Variants in IGSF10 observed in about 807,000 individuals in gnomAD.
IGSF10 encodes the protein immunoglobulin superfamily member 10, also known as calvaria mechanical force protein 608.
A neutral mutation model predicts 128.2 loss-of-function variants in IGSF10; 126 were observed. The ratio of observed to expected loss-of-function variants is 0.98; its 90% CI spans 0.85 to 1.14. IGSF10 has a LOEUF of 1.14. Ranked by LOEUF, IGSF10 falls within the 50% of genes most tolerant of loss-of-function variation. IGSF10 has a pLI of 0.00. For missense variants in IGSF10, 3,295 were observed against 3,149.8 expected (o/e 1.05, Z -1.10); for synonymous variants, 1,185 against 1,146.2 (o/e 1.03, Z -0.68).
At chr3:151,498,880 T>G in the IGSF10 span, among the ~76,000 whole-genome samples, 2 of 152,140 alleles carry the variant, frequency 1.3e-5, no homozygotes, top group Non-Finnish European at 2.9e-5. Context: ...AAAGTTTCGC[T>G]CAATACAGGA....
At chr3:151,594,880 AC>A in the IGSF10 span, among the ~76,000 whole-genome samples, 1 of 151,796 alleles carries the variant, frequency 6.6e-6, no homozygotes, top group East Asian at 1.9e-4. Context: ...TATTGCATAT[AC>A]CCCCAAAAGA....
the IGSF10 span, among the ~76,000 whole-genome samples, chr3:151,584,020 T>A: frequency 6.7e-4 from 102 of 152,322 alleles, 1 homozygote; most frequent in East Asian, 0.017. Context: ...TCTGGATGCT[T>A]GTTTTATCAG....
At position 151,446,246 on chromosome 3, in the gene IGSF10, GTC is replaced by G. The variant is rs765103591; in HGVS notation, c.3733_3734del (p.Asp1245GlnfsTer20). On this transcript the variant is annotated frameshift_variant, in exon 6 of 8. Transcript: ENST00000282466. LOFTEE classifies it high-confidence loss of function. ...TGGTGAAATGGAAAGGGGAGACTTTGTCTCTGGGTAAAGCAGGAGATGTTTTA... is the reference window on the plus strand; with the variant it reads ...TGGTGAAATGGAAAGGGGAGACTTTGTCTGGGTAAAGCAGGAGATGTTTTA... ...LPKTSPALPR[D>X]KVSPFHFTTL... The G allele has an allele frequency of 5.0e-6, 8 of 1,613,724 alleles. No individual in the cohort carries two copies. In the South Asian group the frequency reaches 8.8e-5, roughly 18 times the overall value.
chr3:151,449,448 T>TA (rs1438929196), intron 5 of IGSF10, among the ~76,000 whole-genome samples, 183 bp from the exon 6 acceptor site: 1 of 152,246 alleles, frequency 6.6e-6, no homozygotes, highest in African/African-American at 2.4e-5. Flanking sequence ...TATACCCTGC[T>TA]ACAACATAAT....
chr3:151,447,184 C>T lies in IGSF10; in HGVS notation c.2797G>A (p.Val933Ile). The T allele has an allele frequency of 6.2e-7, 1 of 1,614,212 alleles. No individual in the cohort carries two copies. Among genetic ancestry groups the T allele is most frequent in the Non-Finnish European group, 8.5e-7 (1 of 1,180,038 alleles). The change falls in exon 6 of 8, where the codon GTC becomes ATC. Residue 933 changes from valine (V) to isoleucine (I), a missense_variant. Physicochemically the swap from Val to Ile is conservative, Grantham distance 29. Coordinates refer to ENST00000282466, the MANE Select transcript of IGSF10 (RefSeq NM_178822.5). ...TVRTMIKDVN[V>I]KMLSSTTNKL... ...TTGGTGGTGCTACTAAGCATTTTGA[C>T]ATTGACATCTTTGATCATAGTCCTT... is the stretch of plus-strand genomic sequence containing the variant.
chr3:151,434,023 G>A (rs1173751824), downstream of IGSF10: 1 of 152,534 alleles, frequency 6.6e-6, no homozygotes, highest in African/African-American at 2.4e-5. Context: ...TAACTTAAGA[G>A]TATTCTATAT....
intron 5 of IGSF10, among the ~76,000 whole-genome samples, chr3:151,449,872 CA>C (rs1271310178): frequency 6.6e-6 from 1 of 152,082 alleles, no homozygotes; most frequent in African/African-American, 2.4e-5. Flanking sequence ...AAGGTAGAAC[CA>C]ATCAATAGGA....
At position 151,446,189 on chromosome 3, in the gene IGSF10, A is replaced by G; in HGVS notation, c.3792T>C (p.Ser1264=). The part of the protein sequence containing the change: ...TLSTSVMQIP[S]NTLTTAHHTT... ...TGTGGTGAGCGGTAGTCAAGGTATT[A>G]GATGGAATTTGCATCACACTTGTTG... The change falls in exon 6 of 8, where the codon TCT becomes TCC. Residue 1264 remains serine (S), a synonymous_variant. Transcript: ENST00000282466. The G allele has an allele frequency of 6.2e-7, 1 of 1,614,026 alleles. No individual in the cohort carries two copies. The highest frequency in any genetic ancestry group is 1.1e-5 in the South Asian group (1 of 91,046).
chr3:151,493,549 A>T, the IGSF10 span, among the ~76,000 whole-genome samples: 6 of 152,158 alleles, frequency 3.9e-5, no homozygotes, highest in African/African-American at 1.4e-4. Context: ...AGTTGCCTGC[A>T]GTATTCAGTA....
chr3:151,525,589 A>C, the IGSF10 span, among the ~76,000 whole-genome samples: 1 of 152,148 alleles, frequency 6.6e-6, no homozygotes, highest in Non-Finnish European at 1.5e-5. Context: ...TGAATAAGGA[A>C]AGAACTGCTT....
chr3:151,609,393 T>C, the IGSF10 span, among the ~76,000 whole-genome samples: 1 of 152,192 alleles, frequency 6.6e-6, no homozygotes, highest in Non-Finnish European at 1.5e-5. Context: ...CGATCTTCTG[T>C]ACTTTTAAAA....
chr3:151,441,154 G>A (rs1034794831), intron 7 of IGSF10, among the ~76,000 whole-genome samples: 3 of 152,172 alleles, frequency 2.0e-5, no homozygotes, highest in Admixed American at 1.3e-4. Context: ...AGAAAAACTG[G>A]CTTAGAGTGA....
chr3:151,517,863 C>T, the IGSF10 span, among the ~76,000 whole-genome samples: 1 of 151,860 alleles, frequency 6.6e-6, no homozygotes, highest in South Asian at 2.1e-4. Context: ...CTCTTGTAAA[C>T]AGGGCATTCC....
chr3:151,459,239 A>G (rs1721942845), intron 2 of IGSF10, among the ~76,000 whole-genome samples: 1 of 152,138 alleles, frequency 6.6e-6, no homozygotes, highest in South Asian at 2.1e-4. Context: ...TTTTTCATCT[A>G]TTGTGTGTAT....
At chr3:151,529,976 G>A in the IGSF10 span, among the ~76,000 whole-genome samples, 5 of 151,814 alleles carry the variant, frequency 3.3e-5, no homozygotes, top group Admixed American at 1.3e-4. Flanking sequence ...AAGGTTAGAC[G>A]AATTGCTAAC....
the IGSF10 span, among the ~76,000 whole-genome samples, chr3:151,538,052 G>A: frequency 5.3e-5 from 8 of 152,090 alleles, no homozygotes; most frequent in East Asian, 1.9e-4. Flanking sequence ...CTGGGTCTAC[G>A]ACTTGGCAGA....
At chr3:151,461,142 A>AACG, upstream of IGSF10, 1 of 985,058 alleles carries the variant, frequency 1.0e-6, no homozygotes. Context: ...AAGGATGAGA[A>AACG]ACGACCACCG....
At chr3:151,545,027 C>T in the IGSF10 span, among the ~76,000 whole-genome samples, 2 of 152,216 alleles carry the variant, frequency 1.3e-5, 1 homozygote, top group African/African-American at 4.8e-5. Context: ...AGTTATTCTA[C>T]ATTTAAGTGT....
chr3:151,502,682 G>T, the IGSF10 span, among the ~76,000 whole-genome samples: 1 of 151,798 alleles, frequency 6.6e-6, no homozygotes, highest in Non-Finnish European at 1.5e-5. Context: ...TTTAAGACTT[G>T]AAGTAAGACT....
Sources: allele counts gnomAD v4.1 joint callset (sites outside exome capture counted in the v4.1 genomes callset), GRCh38; gene constraint gnomAD v4.1.1; transcripts MANE v1.5; gene names NCBI Gene and HGNC (gene_info 2026-07-23, HGNC 2026-07-21).